Variants in DNAH8 observed in about 807,000 individuals in gnomAD.
DNAH8 encodes the protein axonemal beta dynein heavy chain 8.
DNAH8 carries 382 observed loss-of-function variants against 562.1 expected under a neutral mutation model. That is an observed-to-expected ratio of 0.68 (90% CI 0.63 to 0.74). The LOEUF is 0.74. Among genes scored for constraint, DNAH8 ranks in the 30% least tolerant of loss-of-function variants. The pLI is 0.00. For synonymous variants in DNAH8, 1,881 were observed against 1,919.4 expected, an observed-to-expected ratio of 0.98 and a Z score of 0.52; for missense variants, 5,203 against 5,620.4, an observed-to-expected ratio of 0.93 and a Z score of 2.37.
chr6:38,906,182 C>G, intron 62 of DNAH8, 72 bp from the exon 63 acceptor site: 1 of 964,518 alleles, frequency 1.0e-6, no homozygotes, highest in Non-Finnish European at 1.5e-6. Context: ...GCTGGGATTA[C>G]AGGTGTGAGC....
chr6:38,825,935 C>G (rs1011007877), intron 28 of DNAH8, among the ~76,000 whole-genome samples: 1 of 152,198 alleles, frequency 6.6e-6, no homozygotes, highest in African/African-American at 2.4e-5. Context: ...TGGTGTCAAA[C>G]TCATGCACAT....
intron 28 of DNAH8, among the ~76,000 whole-genome samples, chr6:38,825,608 A>C (rs1046188260): frequency 4.6e-5 from 7 of 152,016 alleles, no homozygotes; most frequent in African/African-American, 1.7e-4. Context: ...CTCAAGCCTC[A>C]TTTCAAACTC....
chr6:38,864,127 A>G (rs1776860667), intron 45 of DNAH8, 67 bp downstream of exon 45: 1 of 1,427,904 alleles, frequency 7.0e-7, no homozygotes, highest in African/African-American at 1.4e-5. Flanking sequence ...AAAACAAAGC[A>G]TGTGTTAATG....
chr6:38,722,343 C>T (rs1021366991), intron 1 of DNAH8, among the ~76,000 whole-genome samples: 4 of 152,146 alleles, frequency 2.6e-5, no homozygotes, highest in African/African-American at 7.2e-5. Flanking sequence ...TTAGAGTTCA[C>T]GAAGTTCTTT....
chr6:39,002,211 C>T lies in DNAH8; in HGVS notation c.13215-6603C>T, dbSNP rs535127651. Among the ~76,000 whole-genome samples the T allele has an allele frequency of 1.5e-4, 23 of 152,278 alleles. No individual in the cohort carries two copies. The South Asian group carries it at 3.9e-3, about 26-fold the overall frequency. On this transcript the variant is annotated intron_variant, in intron 88 of 92. Coordinates refer to ENST00000327475, the MANE Select transcript of DNAH8 (RefSeq NM_001206927.2). The stretch of plus-strand genomic sequence containing the variant: ...TGTTACCCAGGCTTACCTGGTGTTT[C>T]GTGGCTCTCTGTAAGATGTCAGCCA...
intron 33 of DNAH8, among the ~76,000 whole-genome samples, chr6:38,838,819 T>C (rs1774528656): frequency 6.6e-6 from 1 of 152,268 alleles, no homozygotes; most frequent in African/African-American, 2.4e-5. Flanking sequence ...TAAACAAGTG[T>C]ATTTCAATCA....
rs745607826 is a variant in DNAH8 at position 38,860,633 on chromosome 6, G to A, written c.6131+4G>A. The A allele has an allele frequency of 2.7e-6, 4 of 1,499,554 alleles. No homozygotes were observed. The South Asian group carries it at 4.2e-5, about 16-fold the overall frequency. 92.9% of individuals were successfully genotyped at this position (1,499,554 alleles called of 1,614,324 possible). ...TTATCACTCCATTAACAGATAGGTA[G>A]GAAACCCAGTTTTCGTTTTTTATTT... On this transcript the variant is annotated splice_donor_region_variant and intron_variant, in intron 43 of 92. Transcript: ENST00000327475.
intron 26 of DNAH8, among the ~76,000 whole-genome samples, chr6:38,820,733 C>T (rs1583095366): frequency 6.6e-6 from 1 of 151,970 alleles, no homozygotes; most frequent in East Asian, 1.9e-4. Flanking sequence ...CTAAAATACA[C>T]CATATGAATA....
rs758089687 is a variant in DNAH8, at chr6:38,921,324, C to A, written c.10525-45C>A. The stretch of plus-strand genomic sequence containing the variant: ...TGTTATCTACCAGTTACAATCATGA[C>A]TGTTTCATGCAGCTAATACACTAAC... On this transcript the variant is annotated intron_variant, in intron 70 of 92. Transcript: ENST00000327475. The A allele has an allele frequency of 8.8e-6, 14 of 1,589,922 alleles. No individual in the cohort carries two copies. The Admixed American group carries it at 2.3e-4, about 27-fold the overall frequency.
At chr6:38,730,438 C>G (rs1207213073) in intron 4 of DNAH8, among the ~76,000 whole-genome samples, 1 of 152,170 alleles carries the variant, frequency 6.6e-6, no homozygotes, top group Non-Finnish European at 1.5e-5. Flanking sequence ...TAACATGCTA[C>G]CAGCTTGTTA....
chr6:38,945,987 A>G (rs1438696917), intron 80 of DNAH8, among the ~76,000 whole-genome samples: 1 of 152,188 alleles, frequency 6.6e-6, no homozygotes, highest in Non-Finnish European at 1.5e-5. Context: ...CTAAAAAATT[A>G]ATTATTTTAG....
At chr6:38,754,573 A>C (rs2127598943) in intron 9 of DNAH8, among the ~76,000 whole-genome samples, 1 of 152,172 alleles carries the variant, frequency 6.6e-6, no homozygotes, top group East Asian at 1.9e-4. Flanking sequence ...AACACATTTT[A>C]TATATTTTAT....
chr6:38,873,003 T>C lies in DNAH8; in HGVS notation c.7335T>C (p.Ala2445=), dbSNP rs144391737. ...VLDDNKTLTL[A]NGDRIPMAPS... Reference sequence around the variant, plus strand: ...ATGACAATAAAACTCTGACGTTAGCTAATGGAGATCGCATTCCCATGGCCC... The same window carrying C: ...ATGACAATAAAACTCTGACGTTAGCCAATGGAGATCGCATTCCCATGGCCC... Residue 2445 remains alanine, a synonymous_variant, in exon 51 of 93, where the codon GCT becomes GCC. Coordinates refer to ENST00000327475, the MANE Select transcript of DNAH8 (RefSeq NM_001206927.2). The C allele has an allele frequency of 7.4e-5, 119 of 1,614,166 alleles. No homozygotes were observed. The African/African-American group carries it at 1.4e-3, about 19-fold the overall frequency.
intron 35 of DNAH8, 46 bp downstream of exon 35, chr6:38,842,949 C>T (rs766839907): frequency 6.3e-7 from 1 of 1,587,220 alleles, no homozygotes; most frequent in Admixed American, 1.7e-5. Context: ...TAAAGAATGT[C>T]TGCTTTTTCT....
intron 79 of DNAH8, among the ~76,000 whole-genome samples, chr6:38,943,157 G>A (rs771370823): frequency 6.6e-6 from 1 of 152,192 alleles, no homozygotes; most frequent in East Asian, 1.9e-4. Flanking sequence ...CAGGGATGTG[G>A]CATGAACAGA....
rs151308314 is a variant in DNAH8, at chr6:38,855,963, T to C, written c.5734-1555T>C. 1.3e-4 allele frequency among the ~76,000 whole-genome samples: 20 copies of C among 152,196 alleles called. No homozygotes were observed. In the East Asian group the frequency reaches 3.5e-3, roughly 26 times the overall value. The stretch of plus-strand genomic sequence containing the variant: ...CTGCTTATGTGAATCTAAAGCATCC[T>C]GTGACCCCCGTCCATGGAAAAATTG... On this transcript the variant is annotated intron_variant, in intron 41 of 92. Coordinates refer to ENST00000327475, the MANE Select transcript of DNAH8 (RefSeq NM_001206927.2).
rs1314787020 is a variant in DNAH8 at position 38,803,188 on chromosome 6, A to G, written c.2911A>G (p.Lys971Glu). 1.3e-6 allele frequency: 2 copies of G among 1,597,120 alleles called. No individual in the cohort carries two copies. The highest frequency in any genetic ancestry group is 1.7e-6 in the Non-Finnish European group (2 of 1,172,564). Residue 971 changes from lysine to glutamate, a missense_variant, in exon 22 of 93, where the codon AAA (lysine) becomes GAA (glutamate). By Grantham distance (56) the Lys-to-Glu change is moderately conservative (BLOSUM62 1). Coordinates refer to ENST00000327475, the MANE Select transcript of DNAH8 (RefSeq NM_001206927.2). ...TTTCTTTATTTAACAGACATACACA[A>G]AAGAATGGGCTGACATTCTAAACCA... Reference protein sequence around the residue: ...DMLTLNETYTKEWADILNHKS... With the variant: ...DMLTLNETYTEEWADILNHKS...
At position 38,903,406 on chromosome 6, in the gene DNAH8, A is replaced by G. The variant is rs568588749; in HGVS notation, c.9195-2848A>G. 6.6e-5 allele frequency among the ~76,000 whole-genome samples: 10 copies of G among 152,038 alleles called. 1 individual carries two copies. In the East Asian group the frequency reaches 1.9e-3, roughly 29 times the overall value. On this transcript the variant is annotated intron_variant, in intron 62 of 92. Coordinates refer to ENST00000327475, the MANE Select transcript of DNAH8 (RefSeq NM_001206927.2). ...ACTCCTTTAAACAACCAGATCTTAT[A>G]TGAACTCAGAGTTAGAACTCACTCA...
intron 72 of DNAH8, chr6:38,923,500 T>G (rs1781876622): frequency 4.6e-6 from 1 of 215,642 alleles, no homozygotes; most frequent in Non-Finnish European, 9.2e-6. Flanking sequence ...AATGGTTTGT[T>G]GTGGATCAAT....
Sources: allele counts gnomAD v4.1 joint callset (sites outside exome capture counted in the v4.1 genomes callset), GRCh38; gene constraint gnomAD v4.1.1; transcripts MANE v1.5; gene names NCBI Gene and HGNC (gene_info 2026-07-23, HGNC 2026-07-21).